WDR87: variants seen among roughly 807,000 people sequenced by gnomAD.
The protein encoded by WDR87 is WD repeat-containing protein 87.
Under a neutral mutation model 83.3 loss-of-function variants are expected in WDR87, and 56 were observed. That is an observed-to-expected ratio of 0.67 (90% confidence interval 0.54 to 0.84). WDR87 has a LOEUF of 0.84. Among genes scored for constraint, WDR87 ranks in the 40% least tolerant of loss-of-function variants. The pLI, the probability that WDR87 is intolerant of heterozygous loss-of-function variation, is 0.00. For synonymous variants in WDR87, 1,173 were observed against 1,250.6 expected, an observed-to-expected ratio of 0.94 and a Z score of 1.31; for missense variants, 2,939 against 3,431.9, an observed-to-expected ratio of 0.86 and a Z score of 3.59.
chr19:37,899,019 T>C (rs1258649176), intron 1 of WDR87, among the ~76,000 whole-genome samples: 1 of 152,128 alleles, frequency 6.6e-6, no homozygotes, highest in Non-Finnish European at 1.5e-5. Context: ...TAATTGTTGT[T>C]GCTGCCCATC....
At chr19:37,904,633 C>G (rs1459984006) in intron 1 of WDR87, among the ~76,000 whole-genome samples, 1 of 152,128 alleles carries the variant, frequency 6.6e-6, no homozygotes, top group Admixed American at 6.5e-5. Flanking sequence ...GGATTACAGG[C>G]GTGAGCCACT....
Position 37,888,369 on chromosome 19 carries a change from A to G in WDR87, c.5302T>C (p.Ser1768Pro). ...EELEWDMEEL[S>P]WKEEELNQEE... ...TGATTCAGTTCCTCTTCTTTCCAAG[A>G]CAGTTCTTCCATGTCCCATTCCAGT... The change falls in exon 6 of 6, where the codon TCT becomes CCT. Residue 1768 changes from serine (S) to proline (P), a missense_variant. Transcript: ENST00000447313. The G allele has an allele frequency of 1.3e-6, 2 of 1,551,494 alleles. No individual in the cohort carries two copies. Among genetic ancestry groups the G allele is most frequent in the Non-Finnish European group, 1.7e-6 (2 of 1,146,956 alleles).
chr19:37,905,755 A>G (rs7258597), intron 1 of WDR87, among the ~76,000 whole-genome samples: 44,599 of 151,650 alleles, frequency 0.29, 7,864 homozygotes, highest in East Asian at 0.6. Context: ...GGGTCTTGCT[A>G]TGTTACCCGG....
At position 37,894,276 on chromosome 19, in the gene WDR87, A is replaced by T. The variant is rs1216164001; in HGVS notation, c.1427T>A (p.Leu476Gln). 4 of 1,551,726 alleles carry T rather than the reference A, an allele frequency of 2.6e-6. No homozygotes were observed. In the Admixed American group the frequency reaches 7.8e-5, roughly 30 times the overall value. The change falls in exon 4 of 6, where the codon CTG becomes CAG. Residue 476 changes from leucine (L) to glutamine (Q), a missense_variant. By Grantham distance (113) the Leu-to-Gln change is moderately radical. Around this residue, in one of 3 missense-constraint regions of WDR87, gnomAD observed 553 missense variants for 577.9 expected, o/e 0.96. Coordinates refer to ENST00000447313, the MANE Select transcript of WDR87 (RefSeq NM_001291088.2). ...ACCACTCTGGTGCCCAGAGAATATC[A>T]GTCCCTCTAGACCCCGCCCCAAGTT... The part of the protein sequence containing the change: ...HFNLGRGLEG[L>Q]IFSGHQSGVI...
Position 37,894,247 on chromosome 19 carries a change from T to C in WDR87, c.1456A>G (p.Ile486Val), listed in dbSNP as rs1192862233. The C allele has an allele frequency of 3.2e-6, 5 of 1,551,692 alleles. No homozygotes were observed. The highest frequency in any genetic ancestry group is 2.4e-5 in the East Asian group (1 of 40,936). The change falls in exon 4 of 6, where the codon ATA (isoleucine) becomes GTA (valine). Residue 486 changes from isoleucine (I) to valine (V), a missense_variant. Ile to Val is a conservative substitution (Grantham distance 29). This residue lies in a region of WDR87 where 553 missense variants were observed against 577.9 expected (regional missense o/e 0.96). Coordinates refer to ENST00000447313, the MANE Select transcript of WDR87 (RefSeq NM_001291088.2). ...CAGCTGTGCTGGGAGAGCACTCTTA[T>C]CACACCACTCTGGTGCCCAGAGAAT... ...LIFSGHQSGVIRVLSQHSCAR... is the reference protein window; with the variant it reads ...LIFSGHQSGVVRVLSQHSCAR...
In WDR87 at chr19:37,887,290, C is replaced by T. The variant is rs757911948; in HGVS notation, c.6381G>A (p.Arg2127=). ...KALQKLTRDE[R]KLTQEEIKMT... is the part of the protein sequence containing the mutation. ...TTTTTATTTCTTCCTGTGTTAGTTTCCTTTCATCCCTGGTTAGTTTTTGAA... is the reference window on the plus strand; with the variant it reads ...TTTTTATTTCTTCCTGTGTTAGTTTTCTTTCATCCCTGGTTAGTTTTTGAA... The change falls in exon 6 of 6, where the codon AGG becomes AGA. Residue 2127 remains arginine (R), a synonymous_variant. Coordinates refer to ENST00000447313, the MANE Select transcript of WDR87 (RefSeq NM_001291088.2). 36 of 1,551,156 alleles carry T rather than the reference C, an allele frequency of 2.3e-5. No individual in the cohort carries two copies. Among genetic ancestry groups the T allele is most frequent in the Admixed American group, 2.0e-4 (10 of 50,882 alleles).
Position 37,886,649 on chromosome 19 carries a change from T to C in WDR87, c.7022A>G (p.Lys2341Arg), listed in dbSNP as rs552210725. Residue 2341 changes from lysine to arginine, a missense_variant, in exon 6 of 6, where the codon AAG becomes AGG. By Grantham distance (26) the Lys-to-Arg change is conservative. Transcript: ENST00000447313. ...KEKKKEEVQE[K>R]EEVFEEKEEI... ...TTCTTTCTCCTCAAACACTTCTTCC[T>C]TCTCCTGAACCTCCTCCTTCTTCTT... 5.3e-6 allele frequency: 8 copies of C among 1,517,976 alleles called. No homozygotes were observed. The East Asian group carries it at 1.5e-4, about 28-fold the overall frequency. The allele number at this position is 1,517,976 out of a possible 1,614,324, so 94.0% of individuals were successfully genotyped here.
At chr19:37,899,282 T>C (rs1029552922) in intron 1 of WDR87, among the ~76,000 whole-genome samples, 1 of 151,582 alleles carries the variant, frequency 6.6e-6, no homozygotes, top group Non-Finnish European at 1.5e-5. Context: ...AGCTGGGCGT[T>C]GTGGCACGCC....
In WDR87 at chr19:37,887,391, C is replaced by A. The variant is rs1306245561; in HGVS notation, c.6280G>T (p.Ala2094Ser). Residue 2094 changes from alanine to serine, a missense_variant, in exon 6 of 6, where the codon GCT becomes TCT. Transcript: ENST00000447313. The stretch of plus-strand genomic sequence containing the variant: ...CTTTTTTTAATCAACTTCCTTGAAG[C>A]CTTGGCTAACTTTCTTTGCCCCTGG... ...FVQGQRKLAK[A>S]SRKLIKKRES... The A allele has an allele frequency of 2.6e-6, 4 of 1,551,666 alleles. No homozygotes were observed. Among genetic ancestry groups the A allele is most frequent in the Non-Finnish European group, 3.5e-6 (4 of 1,146,988 alleles).
Position 37,885,111 on chromosome 19 carries a change from G to A in WDR87, c.8560C>T (p.Pro2854Ser), listed in dbSNP as rs2046131331. ...CCLFCGSSHT[P>S]RSPQEFQGAV... ...CCCTGGAACTCCTGAGGACTTCTAGGAGTATGAGAACTGCCACAAAACAGG... is the reference window on the plus strand; with the variant it reads ...CCCTGGAACTCCTGAGGACTTCTAGAAGTATGAGAACTGCCACAAAACAGG... Residue 2854 changes from proline (P) to serine (S), a missense_variant, in exon 6 of 6, where the codon CCT (proline) becomes TCT (serine). Around this residue, in one of 3 missense-constraint regions of WDR87, gnomAD observed 2,160 missense variants for 2,533.1 expected, o/e 0.85. Coordinates refer to ENST00000447313, the MANE Select transcript of WDR87 (RefSeq NM_001291088.2). The A allele has an allele frequency of 2.0e-6, 3 of 1,464,708 alleles. No individual in the cohort carries two copies. Among genetic ancestry groups the A allele is most frequent in the Non-Finnish European group, 2.7e-6 (3 of 1,108,888 alleles). 90.7% of individuals were successfully genotyped at this position (1,464,708 alleles called of 1,614,324 possible).
rs1446187367 is a variant in WDR87, at chr19:37,894,468, G to C, written c.1235C>G (p.Ala412Gly). The C allele has an allele frequency of 6.4e-7, 1 of 1,551,706 alleles. No individual in the cohort carries two copies. The highest frequency in any genetic ancestry group is 2.0e-5 in the Admixed American group (1 of 50,998). ...ACCTGGGTCGTAGGCCCAATCCACA[G>C]CCTGGTCCAGGATTGAGAAGGGCCA... is the stretch of plus-strand genomic sequence containing the variant. The part of the protein sequence containing the change: ...ITWPFSILDQ[A>G]VDWAYDPGKE... Residue 412 changes from alanine to glycine, a missense_variant, in exon 4 of 6, where the codon GCT (alanine) becomes GGT (glycine). By Grantham distance (60) the Ala-to-Gly change is moderately conservative (BLOSUM62 0). Coordinates refer to ENST00000447313, the MANE Select transcript of WDR87 (RefSeq NM_001291088.2).
rs1486236721 is a variant in WDR87 at position 37,887,050 on chromosome 19, G to A, written c.6621C>T (p.Ala2207=). Residue 2207 remains alanine (A), a synonymous_variant, in exon 6 of 6, where the codon GCC becomes GCT. Transcript: ENST00000447313. The stretch of plus-strand genomic sequence containing the variant: ...CCAGTATGACTTCTGAATGCTTTCT[G>A]GCCAATTTGCTCTCTTCCTCAGTCA... ...EKMTEEESKL[A]RKHSEVILDD... is the part of the protein sequence containing the mutation. 3 of 1,551,234 alleles carry A rather than the reference G, an allele frequency of 1.9e-6. No individual in the cohort carries two copies. In the African/African-American group the frequency reaches 4.1e-5, roughly 21 times the overall value.
Position 37,886,456 on chromosome 19 carries a change from G to T in WDR87, c.7215C>A (p.Val2405=), listed in dbSNP as rs1426840827. Residue 2405 remains valine, a synonymous_variant, in exon 6 of 6, where the codon GTC becomes GTA. Transcript: ENST00000447313. Reference sequence around the variant, plus strand: ...GAGGAACTCCTCTTAAAATGGAAAGGACTCTTTCCCTTCCTCTTAGGCTCT... The same window carrying T: ...GAGGAACTCCTCTTAAAATGGAAAGTACTCTTTCCCTTCCTCTTAGGCTCT... ...RRKSLRGRER[V]LSILRGVPHG... 1 of 1,526,884 alleles carries T rather than the reference G, an allele frequency of 6.5e-7. No homozygotes were observed. The highest frequency in any genetic ancestry group is 2.3e-5 in the Admixed American group (1 of 43,792). 94.6% of individuals were successfully genotyped at this position (1,526,884 alleles called of 1,614,324 possible).
chr19:37,896,080 G>C, intron 3 of WDR87, 58 bp downstream of exon 3: 1 of 1,541,938 alleles, frequency 6.5e-7, no homozygotes, highest in East Asian at 2.4e-5. Flanking sequence ...TGGGCTAACA[G>C]TTATATGGGC....
rs1364843469 is a variant in WDR87 at position 37,885,367 on chromosome 19, A to C, written c.8304T>G (p.Phe2768Leu). Residue 2768 changes from phenylalanine (F) to leucine (L), a missense_variant, in exon 6 of 6, where the codon TTT becomes TTG. Transcript: ENST00000447313. ...KKEELPLWET[F>L]VALYHVLRML... ...TCCGCAAAACATGGTACAGTGCCAC[A>C]AATGTCTCCCACAAAGGCAACTCTT... is the stretch of plus-strand genomic sequence containing the variant. 6.4e-7 allele frequency: 1 copy of C among 1,551,722 alleles called. No individual in the cohort carries two copies. Among genetic ancestry groups the C allele is most frequent in the African/African-American group, 1.4e-5 (1 of 73,058 alleles).
At position 37,892,742 on chromosome 19, in the gene WDR87, T is replaced by G. The variant is rs760937854; in HGVS notation, c.2961A>C (p.Leu987=). 12 of 1,551,676 alleles carry G rather than the reference T, an allele frequency of 7.7e-6. No homozygotes were observed. The highest frequency in any genetic ancestry group is 1.7e-4 in the Middle Eastern group (1 of 6,014). The change falls in exon 4 of 6, where the codon CTA becomes CTC. Residue 987 remains leucine, a synonymous_variant. Transcript: ENST00000447313. ...RELAWEGLKR[L]GMITHLFAMP... Reference sequence around the variant, plus strand: ...TGGCAAAAAGATGAGTAATCATTCCTAGACGCTTCAGCCCTTCCCAAGCTA... The same window carrying G: ...TGGCAAAAAGATGAGTAATCATTCCGAGACGCTTCAGCCCTTCCCAAGCTA...
Position 37,889,471 on chromosome 19 carries a change from C to T in WDR87, c.4200G>A (p.Glu1400=), listed in dbSNP as rs1175370792. ...QKKARDMLGL[E]ETQVILKKGK... The stretch of plus-strand genomic sequence containing the variant: ...CCTTTTTCAAAATCACTTGGGTTTC[C>T]TCCAAGCCCAGCATGTCTCTTGCTT... The change falls in exon 6 of 6, where the codon GAG becomes GAA. Residue 1400 remains glutamate (E), a synonymous_variant. Transcript: ENST00000447313. The T allele has an allele frequency of 1.3e-6, 2 of 1,551,748 alleles. No homozygotes were observed. The highest frequency in any genetic ancestry group is 1.4e-5 in the African/African-American group (1 of 73,154).
In WDR87 at chr19:37,889,279, C is replaced by G. The variant is rs766363052; in HGVS notation, c.4392G>C (p.Arg1464Ser). 1.3e-6 allele frequency: 2 copies of G among 1,551,650 alleles called. No individual in the cohort carries two copies. The highest frequency in any genetic ancestry group is 1.7e-6 in the Non-Finnish European group (2 of 1,147,040). ...KIKREMTKEE[R>S]DMSEEVEEMA... is the part of the protein sequence containing the mutation. ...TTTCCTCCACTTCCTCACTCATATCCCTCTCTTCTTTGGTCATTTCCCTCT... is the reference window on the plus strand; with the variant it reads ...TTTCCTCCACTTCCTCACTCATATCGCTCTCTTCTTTGGTCATTTCCCTCT... Residue 1464 changes from arginine to serine, a missense_variant, in exon 6 of 6, where the codon AGG (arginine) becomes AGC (serine). Transcript: ENST00000447313.
intron 5 of WDR87, among the ~76,000 whole-genome samples, chr19:37,891,311 C>T (rs527842381): frequency 6.6e-6 from 1 of 152,056 alleles, no homozygotes; most frequent in Non-Finnish European, 1.5e-5. Context: ...TTACAGGCAC[C>T]CACCATCATG....
Sources: gnomAD v4.1 joint callset for allele counts (sites outside exome capture counted in the v4.1 genomes callset) on GRCh38, gnomAD v4.1.1 for gene constraint, gnomAD v4.1.1 regional missense constraint, MANE v1.5 for transcripts, NCBI Gene and HGNC (gene_info 2026-07-23, HGNC 2026-07-21) for gene names.